The following MID1 variants were observed in gnomAD, a reference collection of about 807,000 sequenced individuals.
The protein encoded by MID1 is midline 1.
MID1 carries 7 observed loss-of-function variants against 40.4 expected under a neutral mutation model. The ratio of observed to expected loss-of-function variants is 0.17; its 90% CI spans 0.10 to 0.33. The LOEUF (loss-of-function observed/expected upper bound fraction) is 0.33, where lower values mean the gene tolerates loss of function less well. Among genes scored for constraint, MID1 ranks in the 10% least tolerant of loss-of-function variants. The pLI, the probability that MID1 is intolerant of heterozygous loss-of-function variation, is 1.00. For synonymous variants in MID1, 229 were observed against 221.2 expected (o/e 1.04, Z -0.31); for missense variants, 367 against 558.5 (o/e 0.66, Z 3.46).
At chrX:10,701,777 A>T (rs1361794962) in intron 1 of MID1, among the ~76,000 whole-genome samples, 1 of 112,322 alleles carries the variant, frequency 8.9e-6, no homozygotes, top group Non-Finnish European at 1.9e-5. Flanking sequence ...AGCCAGATTG[A>T]GTCATTGAGC....
chrX:10,707,943 G>A (rs1166425310), intron 1 of MID1, among the ~76,000 whole-genome samples: 1 of 112,997 alleles, frequency 8.8e-6, no homozygotes, highest in Non-Finnish European at 1.9e-5. Context: ...TATTCCCTTC[G>A]GGAAATCAAT....
intron 4 of MID1, 90 bp from the exon 5 acceptor site, chrX:10,482,718 T>C: frequency 1.0e-6 from 1 of 994,542 alleles, no homozygotes; most frequent in Non-Finnish European, 1.4e-6. Flanking sequence ...TTTTGTTGTG[T>C]TATCCTTCCA....
intron 1 of MID1, among the ~76,000 whole-genome samples, chrX:10,704,692 G>GTA (rs1301742648): frequency 2.1e-5 from 2 of 97,333 alleles, no homozygotes; most frequent in Non-Finnish European, 4.1e-5. Flanking sequence ...ATATGTATGT[G>GTA]TATATATATG....
chrX:10,813,642 G>C (rs2044117121), intron 1 of MID1, among the ~76,000 whole-genome samples: 1 of 111,246 alleles, frequency 9.0e-6, no homozygotes, highest in African/African-American at 3.3e-5. Flanking sequence ...GAGTATACAA[G>C]CAGAACAACC....
At chrX:10,789,819 G>C (rs993781588) in intron 1 of MID1, among the ~76,000 whole-genome samples, 4 of 111,569 alleles carry the variant, frequency 3.6e-5, no homozygotes, top group African/African-American at 9.8e-5. Flanking sequence ...ACCCTTGACT[G>C]AGCCCTCACT....
At chrX:10,749,189 T>G (rs1258665654) in intron 1 of MID1, among the ~76,000 whole-genome samples, 1 of 110,797 alleles carries the variant, frequency 9.0e-6, no homozygotes, top group African/African-American at 3.3e-5. Flanking sequence ...GAGTTTTGTT[T>G]CCAAGACACT....
intron 1 of MID1, 118 bp from the exon 2 acceptor site, chrX:10,567,721 T>A: frequency 2.1e-6 from 1 of 480,950 alleles, no homozygotes; most frequent in Non-Finnish European, 3.5e-6. Context: ...TAAGTGTGTG[T>A]ACATTCCAAA....
intron 1 of MID1, among the ~76,000 whole-genome samples, chrX:10,593,496 T>C (rs1243961879): frequency 2.7e-5 from 3 of 111,106 alleles, no homozygotes; most frequent in Non-Finnish European, 3.8e-5. Context: ...AATGACACCA[T>C]AATTGAATCA....
intron 5 of MID1, among the ~76,000 whole-genome samples, chrX:10,477,727 G>A (rs1320673263): frequency 8.9e-6 from 1 of 112,148 alleles, no homozygotes; most frequent in Non-Finnish European, 1.9e-5. Context: ...AGGTGGACGT[G>A]TCTGGAGCTA....
At chrX:10,559,927 G>C (rs1403958057) in intron 2 of MID1, among the ~76,000 whole-genome samples, 1 of 107,095 alleles carries the variant, frequency 9.3e-6, no homozygotes, top group Non-Finnish European at 1.9e-5. Context: ...CTGTCACCCA[G>C]GTTGGAGCAT....
chrX:10,512,892 A>G (rs1489368363), intron 3 of MID1, among the ~76,000 whole-genome samples: 2 of 101,498 alleles, frequency 2.0e-5, no homozygotes, highest in Admixed American at 9.7e-5. Flanking sequence ...TTGGTTGTAA[A>G]AATCTTTGTG....
intron 1 of MID1, among the ~76,000 whole-genome samples, chrX:10,731,964 C>CAAAAA (rs1389483595): frequency 4.4e-5 from 1 of 22,739 alleles, no homozygotes; most frequent in African/African-American, 2.6e-4. Context: ...AAGAATCTAT[C>CAAAAA]ACAAAAAAAA....
intron 2 of MID1, among the ~76,000 whole-genome samples, chrX:10,553,271 A>AT (rs1555903009): frequency 1.3e-4 from 14 of 107,279 alleles, no homozygotes; most frequent in Admixed American, 1.0e-3. Flanking sequence ...AAATAAAAAA[A>AT]ATATATATAT....
At chrX:10,458,562 CTCTG>C (rs1399635675) in intron 8 of MID1, among the ~76,000 whole-genome samples, 1 of 111,740 alleles carries the variant, frequency 8.9e-6, no homozygotes, top group Non-Finnish European at 1.9e-5. Flanking sequence ...GTACAGAACT[CTCTG>C]TATTATCTAT....
At chrX:10,807,126 T>G (rs1429307243) in intron 1 of MID1, among the ~76,000 whole-genome samples, 1 of 110,030 alleles carries the variant, frequency 9.1e-6, no homozygotes, top group Non-Finnish European at 1.9e-5. Flanking sequence ...GCACCTGTAA[T>G]CCCAGCTACT....
At chrX:10,673,247 T>G (rs1370395365) in intron 1 of MID1, among the ~76,000 whole-genome samples, 2 of 111,660 alleles carry the variant, frequency 1.8e-5, no homozygotes, top group African/African-American at 3.3e-5. Flanking sequence ...TCCTGTCTTC[T>G]GCTCACCTGC....
chrX:10,715,670 C>A (rs1350263614), intron 1 of MID1, among the ~76,000 whole-genome samples: 1 of 111,946 alleles, frequency 8.9e-6, no homozygotes, highest in Admixed American at 9.4e-5. Context: ...ACTTAAATGT[C>A]CCTGTCTGAC....
chrX:10,804,735 T>C (rs2044031366), intron 1 of MID1, among the ~76,000 whole-genome samples: 1 of 111,220 alleles, frequency 9.0e-6, no homozygotes, highest in African/African-American at 3.3e-5. Flanking sequence ...TCTCAGCTTT[T>C]ATTTTTCCTC....
chrX:10,619,694 T>A (rs1443771085), intron 1 of MID1, among the ~76,000 whole-genome samples: 1 of 112,474 alleles, frequency 8.9e-6, no homozygotes, highest in Admixed American at 9.4e-5. Flanking sequence ...CAGCCCTTTC[T>A]CCGCTCACTA....
Sources: gnomAD v4.1 joint callset for allele counts (sites outside exome capture counted in the v4.1 genomes callset) on GRCh38, gnomAD v4.1.1 for gene constraint, MANE v1.5 for transcripts, NCBI Gene and HGNC (gene_info 2026-07-23, HGNC 2026-07-21) for gene names.